Variants in THADA observed in about 807,000 individuals in gnomAD.
THADA encodes tRNA (32-2'-O)-methyltransferase regulator THADA.
In THADA, 213 loss-of-function variants were observed where a neutral mutation model predicts 219.8. The observed-to-expected ratio is 0.97, with a 90% CI of 0.87 to 1.09. The LOEUF is 1.09. Among genes scored for constraint, THADA ranks in the 50% least tolerant of loss-of-function variants. THADA has a pLI of 0.00. For synonymous variants in THADA, 1,018 were observed against 828.9 expected, an observed-to-expected ratio of 1.23 and a Z score of -3.92; for missense variants, 2,956 against 2,311.3, an observed-to-expected ratio of 1.28 and a Z score of -5.72.
chr2:43,280,790 C>T (rs1462334041), intron 35 of THADA, among the ~76,000 whole-genome samples: 1 of 152,208 alleles, frequency 6.6e-6, no homozygotes, highest in Non-Finnish European at 1.5e-5. Context: ...GTGCTAGGTG[C>T]TGCTGCGGAC....
chr2:43,473,353 T>C (rs1685138861), intron 26 of THADA, among the ~76,000 whole-genome samples: 1 of 152,146 alleles, frequency 6.6e-6, no homozygotes, highest in African/African-American at 2.4e-5. Flanking sequence ...AGATCATCAA[T>C]ATCCCACCTC....
chr2:43,237,382 T>C (rs1315246451), intron 36 of THADA, among the ~76,000 whole-genome samples: 1 of 144,422 alleles, frequency 6.9e-6, no homozygotes, highest in Non-Finnish European at 1.5e-5. Context: ...GAGCAAAAAC[T>C]AGAAAACTCA....
intron 24 of THADA, among the ~76,000 whole-genome samples, chr2:43,499,840 A>T (rs1688715364): frequency 6.6e-6 from 1 of 152,208 alleles, no homozygotes; most frequent in Admixed American, 6.5e-5. Context: ...TATTTTTTTA[A>T]ATGACTAGAA....
chr2:43,450,057 A>G (rs907816024), intron 26 of THADA, among the ~76,000 whole-genome samples: 10 of 152,238 alleles, frequency 6.6e-5, no homozygotes, highest in African/African-American at 2.4e-4. Flanking sequence ...ATAAAAGGAC[A>G]CTGGACAGGA....
At chr2:43,474,372 TGAGA>T (rs1685265612) in intron 26 of THADA, among the ~76,000 whole-genome samples, 1 of 152,150 alleles carries the variant, frequency 6.6e-6, no homozygotes, top group African/African-American at 2.4e-5. Context: ...GCTCTTCCCC[TGAGA>T]GAGAGGAAAG....
chr2:43,585,542 A>C (rs1053849362), intron 7 of THADA, among the ~76,000 whole-genome samples: 1 of 144,482 alleles, frequency 6.9e-6, no homozygotes, highest in Non-Finnish European at 1.5e-5. Context: ...GTAGATAGAT[A>C]GATAGATAGA....
At chr2:43,474,470 C>T (rs1422183306) in intron 26 of THADA, among the ~76,000 whole-genome samples, 2 of 152,220 alleles carry the variant, frequency 1.3e-5, no homozygotes, top group South Asian at 2.1e-4. Flanking sequence ...TCCTCCTCCA[C>T]TCTTCCCCAA....
chr2:43,491,462 A>G (rs1687628293), intron 25 of THADA, among the ~76,000 whole-genome samples: 1 of 152,234 alleles, frequency 6.6e-6, no homozygotes, highest in Admixed American at 6.5e-5. Flanking sequence ...AATAGCTGTA[A>G]TGAACCACAA....
intron 15 of THADA, among the ~76,000 whole-genome samples, chr2:43,561,417 T>G (rs1176620791): frequency 6.6e-6 from 1 of 152,038 alleles, no homozygotes; most frequent in Non-Finnish European, 1.5e-5. Context: ...AAAAGAAAAA[T>G]TATCCCAAAG....
chr2:43,533,014 A>ATC (rs1323663777), intron 21 of THADA, among the ~76,000 whole-genome samples: 1 of 152,202 alleles, frequency 6.6e-6, no homozygotes, highest in Non-Finnish European at 1.5e-5. Flanking sequence ...AATATCCAGA[A>ATC]TCTGCAAGGA....
intron 21 of THADA, among the ~76,000 whole-genome samples, chr2:43,531,217 AG>A (rs1693822102): frequency 6.6e-6 from 1 of 152,254 alleles, no homozygotes; most frequent in Non-Finnish European, 1.5e-5. Flanking sequence ...TGGAATAATG[AG>A]AAAACACTTC....
At chr2:43,240,200 G>A (rs928300103) in intron 36 of THADA, among the ~76,000 whole-genome samples, 6 of 152,290 alleles carry the variant, frequency 3.9e-5, no homozygotes, top group Middle Eastern at 3.4e-3. Flanking sequence ...AGCTTGGGCC[G>A]CAGGGAGACA....
At chr2:43,277,881 G>A (rs1231857477) in intron 36 of THADA, among the ~76,000 whole-genome samples, 1 of 151,860 alleles carries the variant, frequency 6.6e-6, no homozygotes, top group African/African-American at 2.4e-5. Context: ...ATCCTTATAT[G>A]CTGAAGGAAT....
chr2:43,241,552 G>A (rs1190062472), intron 36 of THADA, among the ~76,000 whole-genome samples: 1 of 148,490 alleles, frequency 6.7e-6, no homozygotes, highest in African/African-American at 2.5e-5. Flanking sequence ...TGTCTGGACA[G>A]GGGTGCAAAG....
intron 29 of THADA, among the ~76,000 whole-genome samples, chr2:43,358,594 G>C (rs919017902): frequency 5.9e-5 from 9 of 152,206 alleles, no homozygotes; most frequent in African/African-American, 1.7e-4. Flanking sequence ...CCAGATTTTA[G>C]AGAGGCTATA....
intron 26 of THADA, among the ~76,000 whole-genome samples, chr2:43,438,227 A>G (rs867590560): frequency 1.3e-4 from 19 of 142,872 alleles, no homozygotes; most frequent in African/African-American, 4.6e-4. Context: ...GCGTGAACCC[A>G]GGAGGCGGAG....
intron 14 of THADA, among the ~76,000 whole-genome samples, chr2:43,567,133 GTC>G (rs1382080175): frequency 6.7e-6 from 1 of 149,702 alleles, no homozygotes; most frequent in African/African-American, 2.5e-5. Flanking sequence ...AACAGCCCTA[GTC>G]TTAACTGACT....
intron 29 of THADA, among the ~76,000 whole-genome samples, chr2:43,362,534 T>C (rs939870749): frequency 2.0e-5 from 3 of 152,158 alleles, no homozygotes; most frequent in Non-Finnish European, 4.4e-5. Flanking sequence ...GGTGCACCTG[T>C]ATAGAGCACT....
At chr2:43,385,115 C>T (rs1043400379) in intron 29 of THADA, among the ~76,000 whole-genome samples, 20 of 151,190 alleles carry the variant, frequency 1.3e-4, no homozygotes, top group African/African-American at 4.4e-4. Flanking sequence ...CTCTCTAGCC[C>T]GGGCGACAAA....
Sources: gnomAD v4.1 joint callset for allele counts (sites outside exome capture counted in the v4.1 genomes callset) on GRCh38, gnomAD v4.1.1 for gene constraint, MANE v1.5 for transcripts, NCBI Gene and HGNC (gene_info 2026-07-23, HGNC 2026-07-21) for gene names.